Variants in LYPLA1 observed in about 807,000 individuals in gnomAD.
LYPLA1 encodes the protein lysophospholipase 1, also known as acyl-protein thioesterase 1.
In LYPLA1, 17 loss-of-function variants were observed where a neutral mutation model predicts 34.0. That is an observed-to-expected ratio of 0.50 (90% CI 0.34 to 0.75). The LOEUF (loss-of-function observed/expected upper bound fraction) is 0.75, where lower values mean the gene tolerates loss of function less well. Among genes scored for constraint, LYPLA1 ranks in the 30% least tolerant of loss-of-function variants. The probability of loss-of-function intolerance (pLI) is 0.01; values close to 1 mark genes in which losing one functional copy is unlikely to be tolerated. For synonymous variants in LYPLA1, 98 were observed against 100.8 expected (o/e 0.97, Z 0.17); for missense variants, 203 against 288.8 (o/e 0.70, Z 2.15).
chr8:54,057,502 T>C (rs986032119), intron 5 of LYPLA1, among the ~76,000 whole-genome samples: 1 of 152,186 alleles, frequency 6.6e-6, no homozygotes. Flanking sequence ...TGAGATCCAG[T>C]CATTTGCAAC....
At chr8:54,044,778 T>C (rs1805440626), downstream of LYPLA1, 1 of 151,962 alleles carries the variant, frequency 6.6e-6, no homozygotes, top group Non-Finnish European at 1.5e-5. Flanking sequence ...TACAAAAACA[T>C]TTTAAAATAA....
rs997054681 is a variant in LYPLA1 at position 54,087,099 on chromosome 8, G to A, written c.101+13809C>T. On this transcript the variant is annotated intron_variant, in intron 2 of 8. Coordinates refer to ENST00000316963, the MANE Select transcript of LYPLA1 (RefSeq NM_006330.4). ...AGGAATCAGTAAAATTCCCTCTCATGATCTTGTGAGCTGAGTATCTTATGA... is the reference window on the plus strand; with the variant it reads ...AGGAATCAGTAAAATTCCCTCTCATAATCTTGTGAGCTGAGTATCTTATGA... 4.6e-5 allele frequency among the ~76,000 whole-genome samples: 7 copies of A among 152,170 alleles called. No individual in the cohort carries two copies. The East Asian group carries it at 1.2e-3, about 25-fold the overall frequency.
intron 1 of LYPLA1, 28 bp from the exon 2 acceptor site, chr8:54,100,967 C>G (rs1051749947): frequency 1.3e-6 from 2 of 1,595,230 alleles, no homozygotes; most frequent in Non-Finnish European, 8.6e-7. Context: ...AATTAATAAG[C>G]AATGCCTAAA....
At chr8:54,055,502 T>C (rs1366220256) in intron 5 of LYPLA1, among the ~76,000 whole-genome samples, 1 of 151,868 alleles carries the variant, frequency 6.6e-6, no homozygotes, top group Non-Finnish European at 1.5e-5. Flanking sequence ...ATAACAATAT[T>C]GATTGTTATT....
intron 2 of LYPLA1, chr8:54,073,450 G>A (rs895053360): frequency 1.3e-6 from 1 of 772,156 alleles, no homozygotes; most frequent in Admixed American, 1.7e-5. Flanking sequence ...TATCTACCTG[G>A]CTGTGATGGC....
At chr8:54,045,327 G>C (rs1805451506), downstream of LYPLA1, among the ~76,000 whole-genome samples, 1 of 152,030 alleles carries the variant, frequency 6.6e-6, no homozygotes, top group Non-Finnish European at 1.5e-5. Flanking sequence ...TGCAACAGTA[G>C]GCAAATTACC....
intron 5 of LYPLA1, among the ~76,000 whole-genome samples, chr8:54,058,694 GA>G (rs1563576262): frequency 1.3e-5 from 2 of 151,532 alleles, no homozygotes; most frequent in Non-Finnish European, 2.9e-5. Context: ...TCCCACCTCA[GA>G]CTCTCAAGCA....
chr8:54,059,299 G>GTTTTTTTTTTTTTTTTTTTT (rs573966934), intron 5 of LYPLA1, among the ~76,000 whole-genome samples: 1 of 112,704 alleles, frequency 8.9e-6, no homozygotes. Flanking sequence ...TATTTTCCCT[G>GTTTTTTTTTTTTTTTTTTTT]TTTTTTTTTT....
intron 2 of LYPLA1, among the ~76,000 whole-genome samples, chr8:54,099,148 A>G (rs1809915611): frequency 6.6e-6 from 1 of 151,272 alleles, no homozygotes; most frequent in East Asian, 1.9e-4. Context: ...TGCTTGAACT[A>G]ATCATTCAGG....
In LYPLA1 at chr8:54,100,727, CGAT is replaced by C. The variant is rs201331395; in HGVS notation, c.101+178_101+180del. 5,187 of 604,040 alleles carry C rather than the reference CGAT, an allele frequency of 8.6e-3. 43 individuals are homozygous for C. The highest frequency in any genetic ancestry group is 0.011 in the Non-Finnish European group (3,767 of 336,986). 37.4% of individuals were successfully genotyped at this position (604,040 alleles called of 1,614,324 possible). A position where few individuals can be genotyped will look rare whatever the true frequency, so the allele number is the denominator to read the frequency against. On this transcript the variant is annotated intron_variant, in intron 2 of 8. Transcript: ENST00000316963. The stretch of plus-strand genomic sequence containing the variant: ...CAGAGTTAAAAAATCAATAAACTCA[CGAT>C]GATAAGGGGAAAATTCTGAGGGTTT...
chr8:54,051,226 A>G (rs753561094), intron 7 of LYPLA1, 38 bp from the exon 8 acceptor site: 26 of 1,531,672 alleles, frequency 1.7e-5, no homozygotes, highest in Non-Finnish European at 2.2e-5. Context: ...TTATTTTTGT[A>G]AAAGTATAGG....
intron 2 of LYPLA1, among the ~76,000 whole-genome samples, chr8:54,080,580 A>ATATT (rs1318439143): frequency 6.6e-6 from 1 of 152,082 alleles, no homozygotes; most frequent in Non-Finnish European, 1.5e-5. Flanking sequence ...AAATGTAAAT[A>ATATT]TATTTATTTA....
At chr8:54,067,030 G>A (rs972403028) in intron 2 of LYPLA1, among the ~76,000 whole-genome samples, 4 of 151,282 alleles carry the variant, frequency 2.6e-5, no homozygotes, top group Admixed American at 2.0e-4. Context: ...CTAGCTGGGC[G>A]TTTTTGTGCA....
chr8:54,058,596 CTCTCTGTGTCTCTG>C (rs1806369222), intron 5 of LYPLA1, among the ~76,000 whole-genome samples: 1 of 151,634 alleles, frequency 6.6e-6, no homozygotes, highest in Non-Finnish European at 1.5e-5. Flanking sequence ...CTCACACTCT[CTCTCTGTGTCTCTG>C]TCTCTGTCTC....
chr8:54,091,581 AAAGGAAGG>A (rs200125817), intron 2 of LYPLA1, among the ~76,000 whole-genome samples: 3,992 of 142,292 alleles, frequency 0.028, 92 homozygotes, highest in Non-Finnish European at 0.044. Flanking sequence ...GAAAGAAAGA[AAAGGAAGG>A]AAGGAAGGAA....
chr8:54,085,402 C>T (rs1043607705), intron 2 of LYPLA1, among the ~76,000 whole-genome samples: 28 of 152,226 alleles, frequency 1.8e-4, no homozygotes, highest in Non-Finnish European at 1.8e-4. Flanking sequence ...TCTGCACGGC[C>T]GCCACCCCAT....
chr8:54,056,166 T>C (rs1204379357), intron 5 of LYPLA1, among the ~76,000 whole-genome samples: 1 of 152,218 alleles, frequency 6.6e-6, no homozygotes, highest in Non-Finnish European at 1.5e-5. Context: ...GAATTCATTT[T>C]TGACAAAGGT....
chr8:54,066,986 T>C (rs1437659467), intron 2 of LYPLA1, among the ~76,000 whole-genome samples: 1 of 151,758 alleles, frequency 6.6e-6, no homozygotes, highest in African/African-American at 2.4e-5. Context: ...CTGGCCAACA[T>C]GGTGAAACCC....
At position 54,095,942 on chromosome 8, in the gene LYPLA1, T is replaced by C. The variant is rs148580943; in HGVS notation, c.101+4966A>G. On this transcript the variant is annotated intron_variant, in intron 2 of 8. Coordinates refer to ENST00000316963, the MANE Select transcript of LYPLA1 (RefSeq NM_006330.4). ...CAGAATAAAGAAAACTAAAGAGAAA[T>C]GATAAGTAGAGGCAATATGTGATCC... is the stretch of plus-strand genomic sequence containing the variant. Among the ~76,000 whole-genome samples, 661 of 152,202 alleles carry C rather than the reference T, an allele frequency of 4.3e-3. 2 individuals carry two copies. The highest frequency in any genetic ancestry group is 5.6e-3 in the South Asian group (27 of 4,826).
Sources: gnomAD v4.1 joint callset for allele counts (sites outside exome capture counted in the v4.1 genomes callset) on GRCh38, gnomAD v4.1.1 for gene constraint, MANE v1.5 for transcripts, NCBI Gene and HGNC (gene_info 2026-07-23, HGNC 2026-07-21) for gene names.